The following HDAC7 variants were observed in gnomAD, a reference collection of about 807,000 sequenced individuals.
HDAC7 encodes histone deacetylase 7.
Under a neutral mutation model 115.5 loss-of-function variants are expected in HDAC7, and 26 were observed. The ratio of observed to expected loss-of-function variants is 0.23; its 90% CI spans 0.16 to 0.31. The LOEUF (loss-of-function observed/expected upper bound fraction) is 0.31, where lower values mean the gene tolerates loss of function less well. HDAC7 is among the 10% of genes least tolerant of loss of function. The pLI, the probability that HDAC7 is intolerant of heterozygous loss-of-function variation, is 1.00. For missense variants in HDAC7, 1,068 were observed against 1,329.0 expected (o/e 0.80, Z 3.05); for synonymous variants, 564 against 550.9 (o/e 1.02, Z -0.33).
chr12:47,785,325 G>A (rs552597054), intron 24 of HDAC7, 62 bp downstream of exon 24: 120 of 1,420,052 alleles, frequency 8.5e-5, no homozygotes, highest in Non-Finnish European at 1.1e-4. Context: ...GGCCACGGTG[G>A]GGCAGGGTAC....
At chr12:47,785,949 C>A (rs1007629956) in intron 22 of HDAC7, 64 bp from the exon 23 acceptor site, 25 of 1,457,470 alleles carry the variant, frequency 1.7e-5, no homozygotes, top group Non-Finnish European at 2.0e-5. Flanking sequence ...TTCTCTACCC[C>A]TGTGGCTTCC....
In HDAC7 at chr12:47,798,839, G is replaced by T; in HGVS notation, c.204C>A (p.His68Gln). The part of the protein sequence containing the change: ...LLALQRPQRL[H>Q]HHLFLAGLQQ... ...GCAGGCCTGCTAGGAAGAGGTGGTG[G>T]TGCAGGCGCTGGGGACGCTGCAGGG... The change falls in exon 3 of 26, where the codon CAC (histidine) becomes CAA (glutamine). Residue 68 changes from histidine to glutamine, a missense_variant. By Grantham distance (24) the His-to-Gln change is conservative (BLOSUM62 0). Transcript: ENST00000080059. This position sits in a 1 kb window ranked among gnomAD's most constrained non-coding sequence, Gnocchi z 4.3. 6.4e-7 allele frequency: 1 copy of T among 1,560,032 alleles called. No individual in the cohort carries two copies. The highest frequency in any genetic ancestry group is 8.7e-7 in the Non-Finnish European group (1 of 1,151,718).
chr12:47,798,533 G>C lies in HDAC7; in HGVS notation c.349+29C>G. 1 of 1,602,748 alleles carries C rather than the reference G, an allele frequency of 6.2e-7. No homozygotes were observed. ...CCGCAGGCACCTGGCTGGTGGGGCT[G>C]GGCTGGGCTGGGGTGGCCACCTCCT... On this transcript the variant is annotated intron_variant, in intron 4 of 25. Transcript: ENST00000080059. This position sits in a 1 kb window ranked among gnomAD's most constrained non-coding sequence, Gnocchi z 4.3.
chr12:47,795,737 G>C lies in HDAC7; in HGVS notation c.937C>G (p.Leu313Val), dbSNP rs1448761665. 1 of 1,543,596 alleles carries C rather than the reference G, an allele frequency of 6.5e-7. No individual in the cohort carries two copies. Among genetic ancestry groups the C allele is most frequent in the Non-Finnish European group, 8.7e-7 (1 of 1,143,360 alleles). The change falls in exon 10 of 26, where the codon CTG (leucine) becomes GTG (valine). Residue 313 changes from leucine (L) to valine (V), a missense_variant. Physicochemically the swap from Leu to Val is conservative, Grantham distance 32. Transcript: ENST00000080059. This position sits in a 1 kb window ranked among gnomAD's most constrained non-coding sequence, Gnocchi z 4.3. Reference protein sequence around the residue: ...ADSDRRTHPTLGPRGPILGSP... With the variant: ...ADSDRRTHPTVGPRGPILGSP... ...CCCAGGATTGGCCCCCGAGGGCCCA[G>C]AGTCGGATGGGTCCTGCGGTCACTG...
intron 1 of HDAC7, among the ~76,000 whole-genome samples, chr12:47,809,277 C>T (rs1228873407): frequency 6.6e-6 from 1 of 152,140 alleles, no homozygotes; most frequent in Non-Finnish European, 1.5e-5. Context: ...GACCCTGCCC[C>T]TCTGTGTACC....
chr12:47,813,935 G>A (rs1459815266), intron 1 of HDAC7, among the ~76,000 whole-genome samples: 1 of 152,262 alleles, frequency 6.6e-6, no homozygotes, highest in African/African-American at 2.4e-5. Context: ...AGAGGTTGGA[G>A]GTGAGAGGGG....
intron 19 of HDAC7, 186 bp downstream of exon 19, chr12:47,789,075 C>T (rs969779654): frequency 2.0e-5 from 12 of 607,090 alleles, no homozygotes; most frequent in South Asian, 1.1e-4. Context: ...CGTTCCCACA[C>T]GCCATCCCCT....
At chr12:47,816,967 C>A (rs1271172752) in intron 1 of HDAC7, among the ~76,000 whole-genome samples, 3 of 152,332 alleles carry the variant, frequency 2.0e-5, no homozygotes, top group Admixed American at 2.0e-4. Flanking sequence ...TCCTAGGGAG[C>A]CAAAAGGGTT....
In HDAC7 at chr12:47,802,249, G is replaced by C. The variant is rs755280822; in HGVS notation, c.45C>G (p.Ala15=). The change falls in exon 2 of 26, where the codon GCC becomes GCG. Residue 15 remains alanine, a synonymous_variant. Transcript: ENST00000080059. ...CTGCGCCAGTGGGGCTGCAGTAGTG[G>C]GCACCCGGGCTCACCTGGGTCCCAT... ...GADGTQVSPG[A]HYCSPTGAGC... is the part of the protein sequence containing the mutation. The C allele has an allele frequency of 2.5e-6, 4 of 1,613,996 alleles. No homozygotes were observed. The highest frequency in any genetic ancestry group is 3.4e-6 in the Non-Finnish European group (4 of 1,179,994).
chr12:47,791,188 C>T, intron 16 of HDAC7, 71 bp downstream of exon 16: 1 of 1,401,792 alleles, frequency 7.1e-7, no homozygotes, highest in Non-Finnish European at 9.9e-7. Flanking sequence ...AGGGGCTGGG[C>T]CTGGGAGAAC....
At position 47,803,615 on chromosome 12, in the gene HDAC7, C is replaced by T. The variant is rs1391512739; in HGVS notation, c.20-1341G>A. ...CCCTCTTCCTTTTCCACAGCACTCG[C>T]TCTGTGTCTACCACCTTGACACTTC... On this transcript the variant is annotated intron_variant, in intron 1 of 25. Transcript: ENST00000080059. The surrounding 1 kb of genome is among the most constrained non-coding windows in gnomAD (Gnocchi z 4.0). Among the ~76,000 whole-genome samples, 1 of 152,202 alleles carries T rather than the reference C, an allele frequency of 6.6e-6. No homozygotes were observed. The highest frequency in any genetic ancestry group is 1.5e-5 in the Non-Finnish European group (1 of 68,040).
intron 1 of HDAC7, among the ~76,000 whole-genome samples, chr12:47,812,059 T>C (rs1043820417): frequency 4.6e-5 from 7 of 152,230 alleles, no homozygotes; most frequent in Non-Finnish European, 7.3e-5. Context: ...CCCCAGCAGA[T>C]GCTGGCAAGG....
chr12:47,801,994 C>G (rs1944187508), intron 2 of HDAC7, among the ~76,000 whole-genome samples: 1 of 152,120 alleles, frequency 6.6e-6, no homozygotes. Flanking sequence ...AGACGGGCAT[C>G]CTGTGTTTCC....
chr12:47,790,716 G>T (rs1405026771), intron 16 of HDAC7: 1 of 166,268 alleles, frequency 6.0e-6, no homozygotes, highest in African/African-American at 2.4e-5. Context: ...AGCTGAGCCG[G>T]AGGGAGCGGG....
chr12:47,795,959 G>A lies in HDAC7; in HGVS notation c.853C>T (p.Pro285Ser). ...QETSVAPFAL[P>S]TVSLLPAITL... ...ATTGCGGGCAGCAAGGACACTGTCG[G>A]CAAGGCGAACGGGGCCACAGAAGTC... Residue 285 changes from proline to serine, a missense_variant, in exon 9 of 26, where the codon CCG becomes TCG. Physicochemically the swap from Pro to Ser is moderately conservative, Grantham distance 74. Transcript: ENST00000080059. This position sits in a 1 kb window ranked among gnomAD's most constrained non-coding sequence, Gnocchi z 4.3. The A allele has an allele frequency of 1.3e-6, 2 of 1,550,484 alleles. No homozygotes were observed. The highest frequency in any genetic ancestry group is 1.7e-6 in the Non-Finnish European group (2 of 1,147,696).
rs1353823173 is a variant in HDAC7 at position 47,802,154 on chromosome 12, G to A, written c.70+70C>T. ...TGCTTCTCTAACCCCTCAGCTTCTC[G>A]CGTTCTTACAGCCTTTCCACCCCTC... On this transcript the variant is annotated intron_variant, in intron 2 of 25. Coordinates refer to ENST00000080059, the MANE Select transcript of HDAC7 (RefSeq NM_015401.5). 38 of 1,484,926 alleles carry A rather than the reference G, an allele frequency of 2.6e-5. No individual in the cohort carries two copies. In the East Asian group the frequency reaches 5.0e-4, roughly 20 times the overall value. 92.0% of individuals were successfully genotyped at this position (1,484,926 alleles called of 1,614,324 possible).
intron 19 of HDAC7, 63 bp downstream of exon 19, chr12:47,789,198 A>T (rs1206554542): frequency 2.4e-6 from 3 of 1,263,300 alleles, no homozygotes; most frequent in Non-Finnish European, 1.2e-6. Context: ...CATCTCTAAC[A>T]TCAGGCTCAG....
At position 47,783,675 on chromosome 12, in the gene HDAC7, A is replaced by C; in HGVS notation, c.*166T>G. The stretch of plus-strand genomic sequence containing the variant: ...TCCAGTTCCCATTCTAGACCCAGGG[A>C]TTTTCTCACGCTCCCTGGGATAACT... On this transcript the variant is annotated 3_prime_UTR_variant, in exon 26 of 26. Transcript: ENST00000080059. 1 of 732,966 alleles carries C rather than the reference A, an allele frequency of 1.4e-6. No individual in the cohort carries two copies. The highest frequency in any genetic ancestry group is 1.7e-5 in the South Asian group (1 of 59,268). 45.4% of individuals were successfully genotyped at this position (732,966 alleles called of 1,614,324 possible).
intron 12 of HDAC7, among the ~76,000 whole-genome samples, 177 bp downstream of exon 12, chr12:47,794,583 A>G (rs1943703423): frequency 6.6e-6 from 1 of 152,154 alleles, no homozygotes; most frequent in Non-Finnish European, 1.5e-5. Context: ...GTGAGTGTGC[A>G]TGTGTGTGTG....
Sources: allele counts gnomAD v4.1 joint callset (sites outside exome capture counted in the v4.1 genomes callset), GRCh38; gene constraint gnomAD v4.1.1; non-coding constraint Gnocchi (gnomAD v3.1); transcripts MANE v1.5; gene names NCBI Gene and HGNC (gene_info 2026-07-23, HGNC 2026-07-21).